SH3GL2: variants seen among roughly 807,000 people sequenced by gnomAD.
SH3GL2 encodes endophilin-A1.
In SH3GL2, 24 loss-of-function variants were observed where a neutral mutation model predicts 46.0. The ratio of observed to expected loss-of-function variants is 0.52; its 90% CI spans 0.38 to 0.73. The LOEUF (loss-of-function observed/expected upper bound fraction) is 0.73, where lower values mean the gene tolerates loss of function less well. Among genes scored for constraint, SH3GL2 ranks in the 30% least tolerant of loss-of-function variants. The pLI is 0.00. For synonymous variants in SH3GL2, 196 were observed against 147.1 expected (o/e 1.33, Z -2.40); for missense variants, 413 against 424.2 (o/e 0.97, Z 0.23).
At chr9:17,708,548 C>T (rs1382483947) in intron 1 of SH3GL2, among the ~76,000 whole-genome samples, 1 of 151,882 alleles carries the variant, frequency 6.6e-6, no homozygotes, top group Non-Finnish European at 1.5e-5. Context: ...ATATATTTAA[C>T]AAATATATAC....
chr9:17,775,939 T>C (rs1029132309), intron 3 of SH3GL2, among the ~76,000 whole-genome samples: 1 of 152,216 alleles, frequency 6.6e-6, no homozygotes, highest in East Asian at 1.9e-4. Flanking sequence ...TATGTTTTTA[T>C]GTGAAATTTC....
At chr9:17,712,774 T>A (rs1423997423) in intron 1 of SH3GL2, among the ~76,000 whole-genome samples, 2 of 151,838 alleles carry the variant, frequency 1.3e-5, no homozygotes, top group African/African-American at 4.8e-5. Flanking sequence ...CACAGTGTTT[T>A]CAAATGGATT....
intron 1 of SH3GL2, among the ~76,000 whole-genome samples, chr9:17,705,799 C>A (rs1024448824): frequency 6.6e-6 from 1 of 151,778 alleles, no homozygotes; most frequent in African/African-American, 2.4e-5. Context: ...GGGACCTACT[C>A]GAGGGTAGAG....
rs552902120 is a variant in SH3GL2, at chr9:17,757,676, A to G, written c.115-3761A>G. On this transcript the variant is annotated intron_variant, in intron 2 of 8. Transcript: ENST00000380607. ...GGAAATTTTGGACATTGAGAAAAAT[A>G]ACAGTTACATGTCATAAGTTCAAAG... Among the ~76,000 whole-genome samples the G allele has an allele frequency of 2.8e-4, 42 of 152,300 alleles. 1 individual carries two copies. The South Asian group carries it at 8.1e-3, about 29-fold the overall frequency.
intron 1 of SH3GL2, among the ~76,000 whole-genome samples, chr9:17,629,997 G>A (rs373436513): frequency 1.2e-4 from 19 of 152,242 alleles, no homozygotes; most frequent in East Asian, 5.8e-4. Flanking sequence ...TTAATGTGCC[G>A]TTCTTACTGG....
In SH3GL2 at chr9:17,597,084, T is replaced by C. The variant is rs565962097; in HGVS notation, c.45+17797T>C. On this transcript the variant is annotated intron_variant, in intron 1 of 8. Transcript: ENST00000380607. ...GATGTTTCTGGGGATAATATTAACT[T>C]GTAAGCTGAGAAACAGTTGAGACTG... Among the ~76,000 whole-genome samples the C allele has an allele frequency of 3.9e-5, 6 of 152,340 alleles. No individual in the cohort carries two copies. The South Asian group carries it at 1.2e-3, about 32-fold the overall frequency.
intron 1 of SH3GL2, among the ~76,000 whole-genome samples, chr9:17,692,953 A>G (rs1026681687): frequency 6.6e-6 from 1 of 152,066 alleles, no homozygotes; most frequent in Non-Finnish European, 1.5e-5. Flanking sequence ...ATTCACTATC[A>G]TGAGAATAGC....
At chr9:17,586,739 A>G (rs1424038592) in intron 1 of SH3GL2, among the ~76,000 whole-genome samples, 1 of 152,232 alleles carries the variant, frequency 6.6e-6, no homozygotes, top group Non-Finnish European at 1.5e-5. Context: ...TCACGAGAAC[A>G]GTGTGGCGGT....
intron 3 of SH3GL2, among the ~76,000 whole-genome samples, chr9:17,772,917 G>T (rs1823531926): frequency 6.6e-6 from 1 of 152,156 alleles, no homozygotes; most frequent in Admixed American, 6.5e-5. Flanking sequence ...AGGTACCACT[G>T]TGCTCTCTTC....
At chr9:17,749,210 A>G (rs1822776750) in intron 2 of SH3GL2, among the ~76,000 whole-genome samples, 1 of 152,210 alleles carries the variant, frequency 6.6e-6, no homozygotes, top group African/African-American at 2.4e-5. Flanking sequence ...CTGATCCTCA[A>G]CCAAAGCTGG....
At chr9:17,727,352 G>A (rs964380807) in intron 1 of SH3GL2, among the ~76,000 whole-genome samples, 8 of 152,102 alleles carry the variant, frequency 5.3e-5, no homozygotes, top group Admixed American at 3.3e-4. Context: ...TAAGAATGAC[G>A]TTTACATTTT....
At chr9:17,607,473 G>A (rs1818781236) in intron 1 of SH3GL2, among the ~76,000 whole-genome samples, 1 of 152,200 alleles carries the variant, frequency 6.6e-6, no homozygotes, top group Admixed American at 6.5e-5. Context: ...GAGTGGTGAT[G>A]AAATCATCTA....
intron 1 of SH3GL2, among the ~76,000 whole-genome samples, chr9:17,634,110 G>C (rs1224133827): frequency 6.6e-6 from 1 of 152,126 alleles, no homozygotes; most frequent in African/African-American, 2.4e-5. Context: ...TTGGAACTTT[G>C]GGCTCTTGAA....
rs376446989 is a variant in SH3GL2, at chr9:17,621,144, G to A, written c.45+41857G>A. On this transcript the variant is annotated intron_variant, in intron 1 of 8. Transcript: ENST00000380607. ...CAATGCCTGTAGACAGCTTTCTAAT[G>A]TAGTTGTATCATGATTTGGGTTATC... is the stretch of plus-strand genomic sequence containing the variant. 2.6e-5 allele frequency among the ~76,000 whole-genome samples: 4 copies of A among 152,154 alleles called. No homozygotes were observed. The South Asian group carries it at 8.3e-4, about 32-fold the overall frequency.
At chr9:17,622,261 T>C (rs1044223008) in intron 1 of SH3GL2, among the ~76,000 whole-genome samples, 3 of 152,172 alleles carry the variant, frequency 2.0e-5, no homozygotes, top group Non-Finnish European at 2.9e-5. Flanking sequence ...CTTCATCCCG[T>C]AATCCCCCCA....
At position 17,796,778 on chromosome 9, in the gene SH3GL2, G is replaced by C. The variant is rs1448045377; in HGVS notation, c.*1035G>C. Reference sequence around the variant, plus strand: ...AGGACCAAATAAAGATGATTTTTGTGCTTAGCAGTTTAAGGTATATGGCTG... The same window carrying C: ...AGGACCAAATAAAGATGATTTTTGTCCTTAGCAGTTTAAGGTATATGGCTG... On this transcript the variant is annotated 3_prime_UTR_variant, in exon 9 of 9. Coordinates refer to ENST00000380607, the MANE Select transcript of SH3GL2 (RefSeq NM_003026.5). 1 of 152,592 alleles carries C rather than the reference G, an allele frequency of 6.6e-6. No individual in the cohort carries two copies. Among genetic ancestry groups the C allele is most frequent in the African/African-American group, 2.4e-5 (1 of 41,452 alleles). The allele number at this position is 152,592 out of a possible 1,614,324, so 9.5% of individuals were successfully genotyped here.
At chr9:17,634,944 G>T (rs932564609) in intron 1 of SH3GL2, among the ~76,000 whole-genome samples, 3 of 152,182 alleles carry the variant, frequency 2.0e-5, no homozygotes, top group African/African-American at 7.2e-5. Context: ...GCCAGTACTT[G>T]TGATGCAAGT....
rs560760881 is a variant in SH3GL2 at position 17,731,453 on chromosome 9, C to CAG, written c.46-15611_46-15610dup. 1.2e-3 allele frequency among the ~76,000 whole-genome samples: 176 copies of CAG among 150,162 alleles called. 5 individuals are homozygous for CAG. The East Asian group carries it at 0.025, about 21-fold the overall frequency. ...AGAGAGAGAAAGAGAGAGAGAGAGA[C>CAG]AGACAGAGAGAGAGAGAGAGCATCT... is the stretch of plus-strand genomic sequence containing the variant. On this transcript the variant is annotated intron_variant, in intron 1 of 8. Coordinates refer to ENST00000380607, the MANE Select transcript of SH3GL2 (RefSeq NM_003026.5).
chr9:17,642,152 G>A (rs1445499035), intron 1 of SH3GL2, among the ~76,000 whole-genome samples: 1 of 152,104 alleles, frequency 6.6e-6, no homozygotes, highest in Non-Finnish European at 1.5e-5. Flanking sequence ...CTGCATAAAT[G>A]GCTTCTCTTG....
Sources: allele counts gnomAD v4.1 joint callset (sites outside exome capture counted in the v4.1 genomes callset), GRCh38; gene constraint gnomAD v4.1.1; transcripts MANE v1.5; gene names NCBI Gene and HGNC (gene_info 2026-07-23, HGNC 2026-07-21).